The following SNX30 variants were observed in gnomAD, a reference collection of about 807,000 sequenced individuals.
SNX30 encodes sorting nexin family member 30.
Under a neutral mutation model 46.4 loss-of-function variants are expected in SNX30, and 24 were observed. The ratio of observed to expected loss-of-function variants is 0.52; its 90% confidence interval spans 0.37 to 0.73. The LOEUF is 0.73. SNX30 is among the 30% of genes least tolerant of loss of function. The pLI is 0.00. For missense variants in SNX30, 533 were observed against 555.7 expected (o/e 0.96, Z 0.41); for synonymous variants, 189 against 211.5 (o/e 0.89, Z 0.92).
At chr9:112,808,921 A>T (rs1312459106) in intron 2 of SNX30, among the ~76,000 whole-genome samples, 2 of 152,248 alleles carry the variant, frequency 1.3e-5, no homozygotes, top group African/African-American at 4.8e-5. Context: ...AATGAAGTAG[A>T]TATAAATACT....
Position 112,804,847 on chromosome 9 carries a change from C to A in SNX30, c.228C>A (p.Asn76Lys). The A allele has an allele frequency of 6.2e-7, 1 of 1,614,058 alleles. No homozygotes were observed. The highest frequency in any genetic ancestry group is 1.1e-5 in the South Asian group (1 of 91,064). The change falls in exon 2 of 9, where the codon AAC (asparagine) becomes AAA (lysine). Residue 76 changes from asparagine to lysine, a missense_variant. By Grantham distance (94) the Asn-to-Lys change is moderately conservative. Coordinates refer to ENST00000374232, the MANE Select transcript of SNX30 (RefSeq NM_001012994.2). The part of the protein sequence containing the change: ...SSPASSSSLL[N>K]RLQLDDDIDG... ...CAGCTTCTTCATCTTCCCTTCTCAA[C>A]AGACTTCAGCTTGATGATGATATTG...
chr9:112,828,120 A>G (rs901660130), intron 3 of SNX30, among the ~76,000 whole-genome samples: 2 of 152,236 alleles, frequency 1.3e-5, no homozygotes, highest in Non-Finnish European at 2.9e-5. Flanking sequence ...AACATACATC[A>G]ATATGGATAA....
chr9:112,764,278 C>T (rs892682315), intron 1 of SNX30, among the ~76,000 whole-genome samples: 9 of 152,176 alleles, frequency 5.9e-5, no homozygotes, highest in African/African-American at 2.2e-4. Context: ...ATTGATGAGG[C>T]TGGAAAGGTT....
intron 1 of SNX30, among the ~76,000 whole-genome samples, chr9:112,803,869 C>A (rs1163624532): frequency 2.3e-5 from 2 of 88,446 alleles, no homozygotes; most frequent in African/African-American, 8.9e-5. Context: ...GTCTGAAAAG[C>A]GCAATATTCG....
chr9:112,844,522 T>G (rs1310699807), intron 6 of SNX30, among the ~76,000 whole-genome samples: 1 of 152,170 alleles, frequency 6.6e-6, no homozygotes, highest in Non-Finnish European at 1.5e-5. Flanking sequence ...ATGGTAATAT[T>G]TATTGATCTA....
chr9:112,817,002 A>G (rs1840406946), intron 2 of SNX30, among the ~76,000 whole-genome samples: 1 of 152,210 alleles, frequency 6.6e-6, no homozygotes, highest in Admixed American at 6.5e-5. Flanking sequence ...TGAGATTATT[A>G]ATATTTTTCT....
At chr9:112,844,655 A>G (rs1840910463) in intron 6 of SNX30, among the ~76,000 whole-genome samples, 2 of 152,226 alleles carry the variant, frequency 1.3e-5, no homozygotes, top group South Asian at 2.1e-4. Context: ...GGGGCAAAAT[A>G]TATCTGTTGG....
At chr9:112,807,703 C>T (rs1840252526) in intron 2 of SNX30, among the ~76,000 whole-genome samples, 3 of 152,216 alleles carry the variant, frequency 2.0e-5, no homozygotes, top group South Asian at 4.1e-4. Context: ...CATTTCCCCT[C>T]AGCTTCTTGA....
At chr9:112,792,865 T>G (rs893781773) in intron 1 of SNX30, among the ~76,000 whole-genome samples, 20 of 144,982 alleles carry the variant, frequency 1.4e-4, no homozygotes, top group Admixed American at 7.5e-4. Context: ...TTAGATTCTC[T>G]TTCCACTTTC....
Position 112,873,809 on chromosome 9 carries a change from ATC to A in SNX30, c.*4968_*4969del, listed in dbSNP as rs1486029585. ...ACAGCTTTTGAAGATACTGGGGGGT[ATC>A]TTCAAGCCTCAGAGCAGCTTGTTTC... On this transcript the variant is annotated 3_prime_UTR_variant, in exon 9 of 9. Transcript: ENST00000374232. 6.6e-6 allele frequency: 1 copy of A among 152,246 alleles called. No individual in the cohort carries two copies. Among genetic ancestry groups the A allele is most frequent in the African/African-American group, 2.4e-5 (1 of 41,456 alleles). The allele number at this position is 152,246 out of a possible 1,614,324, so 9.4% of individuals were successfully genotyped here. A position where few individuals can be genotyped will look rare whatever the true frequency, so the allele number is the denominator to read the frequency against.
At chr9:112,842,363 A>G (rs11794056) in intron 6 of SNX30, among the ~76,000 whole-genome samples, 33,733 of 152,118 alleles carry the variant, frequency 0.22, 4,719 homozygotes, top group East Asian at 0.41. Flanking sequence ...CATGGCCTTG[A>G]GGGAACCTAA....
rs1298396314 is a variant in SNX30 at position 112,868,917 on chromosome 9, C to T, written c.*74C>T. ...CCTATACCGGAATGTCCCTGCAGTG[C>T]CAGAGACGCAGTGCTGGGAAAACAA... On this transcript the variant is annotated 3_prime_UTR_variant, in exon 9 of 9. Transcript: ENST00000374232. The T allele has an allele frequency of 7.0e-7, 1 of 1,429,744 alleles. No homozygotes were observed. The highest frequency in any genetic ancestry group is 1.4e-5 in the African/African-American group (1 of 71,460). 88.6% of individuals were successfully genotyped at this position (1,429,744 alleles called of 1,614,324 possible). A position where few individuals can be genotyped will look rare whatever the true frequency, so the allele number is the denominator to read the frequency against.
intron 1 of SNX30, among the ~76,000 whole-genome samples, chr9:112,776,228 C>G (rs1039298917): frequency 3.3e-5 from 5 of 152,038 alleles, no homozygotes; most frequent in East Asian, 3.9e-4. Context: ...TTTGGTCTGT[C>G]CTTTTTTAGG....
At chr9:112,751,334 G>A (rs984400105) in intron 1 of SNX30, among the ~76,000 whole-genome samples, 177 bp downstream of exon 1, 1 of 152,174 alleles carries the variant, frequency 6.6e-6, no homozygotes, top group Non-Finnish European at 1.5e-5. Flanking sequence ...CCTCCGCGGG[G>A]TCGCAGCCGC....
intron 1 of SNX30, among the ~76,000 whole-genome samples, chr9:112,770,627 C>G (rs813101): frequency 0.88 from 133,652 of 152,156 alleles, 58,828 homozygotes; most frequent in Middle Eastern, 0.91. Context: ...CCTTGCCTCA[C>G]GCCTTTTGGC....
chr9:112,885,001 C>T (rs77427648), downstream of SNX30, among the ~76,000 whole-genome samples: 1,789 of 152,194 alleles, frequency 0.012, 29 homozygotes, highest in African/African-American at 0.04. Flanking sequence ...AGGACTCATA[C>T]GAAAACAGGA....
At chr9:112,820,853 A>G (rs1180645820) in intron 3 of SNX30, among the ~76,000 whole-genome samples, 1 of 152,202 alleles carries the variant, frequency 6.6e-6, no homozygotes, top group Non-Finnish European at 1.5e-5. Context: ...GTTGTAGCAT[A>G]TATTAATATT....
At chr9:112,836,086 C>A in intron 4 of SNX30, 128 bp from the exon 5 acceptor site, 1 of 882,842 alleles carries the variant, frequency 1.1e-6, no homozygotes, top group Non-Finnish European at 1.7e-6. Flanking sequence ...TGATTAGAGC[C>A]TCTAACTCAG....
At chr9:112,761,398 G>T (rs1429116829) in intron 1 of SNX30, among the ~76,000 whole-genome samples, 1 of 152,126 alleles carries the variant, frequency 6.6e-6, no homozygotes, top group African/African-American at 2.4e-5. Flanking sequence ...CCTGACTTCA[G>T]GTGATCCACC....
Sources: allele counts gnomAD v4.1 joint callset (sites outside exome capture counted in the v4.1 genomes callset), GRCh38; gene constraint gnomAD v4.1.1; transcripts MANE v1.5; gene names NCBI Gene and HGNC (gene_info 2026-07-23, HGNC 2026-07-21).